Variants in CHRNA4 observed in about 807,000 individuals in gnomAD.
CHRNA4 encodes the protein cholinergic receptor nicotinic alpha 4 subunit, also known as neuronal acetylcholine receptor subunit alpha-4.
In CHRNA4, 28 loss-of-function variants were observed where a neutral mutation model predicts 48.9. That is an observed-to-expected ratio of 0.57 (90% CI 0.42 to 0.79). The LOEUF is 0.79. CHRNA4 is among the 30% of genes least tolerant of loss of function. The pLI is 0.00. For synonymous variants in CHRNA4, 425 were observed against 402.3 expected, an observed-to-expected ratio of 1.06 and a Z score of -0.68; for missense variants, 859 against 898.4, an observed-to-expected ratio of 0.96 and a Z score of 0.56.
intron 4 of CHRNA4, among the ~76,000 whole-genome samples, chr20:63,353,872 G>GGGTCTGTGGTCCT (rs2068664412): frequency 1.1e-5 from 1 of 94,066 alleles, no homozygotes; most frequent in African/African-American, 4.5e-5. Flanking sequence ...TGGTTCTGGG[G>GGGTCTGTGGTCCT]GGACTGTGGT....
In CHRNA4 at chr20:63,351,034, A is replaced by G; in HGVS notation, c.384-7T>C. 1 of 1,611,820 alleles carries G rather than the reference A, an allele frequency of 6.2e-7. No individual in the cohort carries two copies. Among genetic ancestry groups the G allele is most frequent in the African/African-American group, 1.3e-5 (1 of 74,792 alleles). ...CGCGAAGTCCCCGTCAGCACTGGGCAGGAAGAGAGCGAAGGGTGTGAGACC... is the reference window on the plus strand; with the variant it reads ...CGCGAAGTCCCCGTCAGCACTGGGCGGGAAGAGAGCGAAGGGTGTGAGACC... On this transcript the variant is annotated splice_polypyrimidine_tract_variant and splice_region_variant and intron_variant, in intron 4 of 5. Coordinates refer to ENST00000370263, the MANE Select transcript of CHRNA4 (RefSeq NM_000744.7).
Position 63,346,079 on chromosome 20 carries a change from C to T in CHRNA4, c.*659G>A, listed in dbSNP as rs6011770. The T allele has an allele frequency of 0.043, 19,446 of 454,028 alleles. 789 individuals are homozygous for T. The highest frequency in any genetic ancestry group is 0.15 in the African/African-American group (7,334 of 50,112). 28.1% of individuals were successfully genotyped at this position (454,028 alleles called of 1,614,324 possible). A position where few individuals can be genotyped will look rare whatever the true frequency, so the allele number is the denominator to read the frequency against. On this transcript the variant is annotated 3_prime_UTR_variant, in exon 6 of 6. Transcript: ENST00000370263. Reference sequence around the variant, plus strand: ...CCTCCCGATTCTCCCCACGCGGAACCAGCTCCACAAAACTCTGTTCTCCAA... The same window carrying T: ...CCTCCCGATTCTCCCCACGCGGAACTAGCTCCACAAAACTCTGTTCTCCAA...
chr20:63,344,511 G>C lies in CHRNA4; in HGVS notation c.*2227C>G, dbSNP rs1568801929. ...TTGAGCCTCAAAAAAAAAAAGAAAGGGAAAGGGGTCTTCCCCCAGGCAAGC... is the reference window on the plus strand; with the variant it reads ...TTGAGCCTCAAAAAAAAAAAGAAAGCGAAAGGGGTCTTCCCCCAGGCAAGC... On this transcript the variant is annotated 3_prime_UTR_variant, in exon 6 of 6. Transcript: ENST00000370263. The surrounding 1 kb of genome is among the most constrained non-coding windows in gnomAD (Gnocchi z 4.5). 1 of 452,954 alleles carries C rather than the reference G, an allele frequency of 2.2e-6. No individual in the cohort carries two copies. Among genetic ancestry groups the C allele is most frequent in the Non-Finnish European group, 4.4e-6 (1 of 226,522 alleles). The allele number at this position is 452,954 out of a possible 1,614,324, so 28.1% of individuals were successfully genotyped here.
Position 63,346,661 on chromosome 20 carries a change from G to C in CHRNA4, c.*77C>G. ...CCCCACAGAGTCCAGGGAGAAGCCA[G>C]CCCGGCCCCAGGCCGGCCGCATGGA... On this transcript the variant is annotated 3_prime_UTR_variant, in exon 6 of 6. Coordinates refer to ENST00000370263, the MANE Select transcript of CHRNA4 (RefSeq NM_000744.7). The C allele has an allele frequency of 6.5e-7, 1 of 1,541,102 alleles. No individual in the cohort carries two copies. The highest frequency in any genetic ancestry group is 2.4e-5 in the East Asian group (1 of 41,338).
chr20:63,359,738 G>A, intron 1 of CHRNA4, 39 bp from the exon 2 acceptor site: 1 of 1,603,708 alleles, frequency 6.2e-7, no homozygotes, highest in Non-Finnish European at 8.5e-7. Context: ...GGTGCAGGCG[G>A]GACAGGAGCC....
Position 63,356,076 on chromosome 20 carries a change from G to T in CHRNA4, c.282C>A (p.His94Gln), listed in dbSNP as rs754402670. ...CTGGGTCCCAGCGCAGCTTGTAGTC[G>T]TGCCACTCCTGGATGAGGTGGGGCG... Reference protein sequence around the residue: ...TTNVWVKQEWHDYKLRWDPAD... With the variant: ...TTNVWVKQEWQDYKLRWDPAD... Residue 94 changes from histidine (H) to glutamine (Q), a missense_variant, in exon 4 of 6, where the codon CAC becomes CAA. This residue lies in a region of CHRNA4 where 342 missense variants were observed against 365.3 expected (regional missense o/e 0.94). Coordinates refer to ENST00000370263, the MANE Select transcript of CHRNA4 (RefSeq NM_000744.7). 1 of 1,586,998 alleles carries T rather than the reference G, an allele frequency of 6.3e-7. No homozygotes were observed. The highest frequency in any genetic ancestry group is 8.5e-7 in the Non-Finnish European group (1 of 1,169,680).
At chr20:63,358,716 C>T (rs188116132) in intron 2 of CHRNA4, among the ~76,000 whole-genome samples, 48 of 152,288 alleles carry the variant, frequency 3.2e-4, no homozygotes, top group Non-Finnish European at 6.3e-4. Context: ...GGCTATGCAC[C>T]CCCACCCAGC....
At chr20:63,352,069 G>T (rs2068623925) in intron 4 of CHRNA4, among the ~76,000 whole-genome samples, 1 of 152,198 alleles carries the variant, frequency 6.6e-6, no homozygotes, top group Non-Finnish European at 1.5e-5. Context: ...GAGGGCGCTG[G>T]GGCACGACGC....
At chr20:63,359,903 G>GTGTGTGTGTGTCGGGCGTGCGC (rs1601496285) in intron 1 of CHRNA4, 5 of 442,902 alleles carry the variant, frequency 1.1e-5, no homozygotes, top group East Asian at 3.8e-5. Context: ...TGTGCTGTGT[G>GTGTGTGTGTGTCGGGCGTGCGC]TGTGTGTGTG....
intron 2 of CHRNA4, among the ~76,000 whole-genome samples, chr20:63,356,992 C>T (rs376345492): frequency 7.0e-6 from 1 of 143,750 alleles, no homozygotes; most frequent in Non-Finnish European, 1.5e-5. Flanking sequence ...ACGTCCCCAC[C>T]GACCACATCT....
intron 1 of CHRNA4, chr20:63,360,128 G>A (rs2068793219): frequency 4.0e-6 from 1 of 248,216 alleles, no homozygotes; most frequent in African/African-American, 2.2e-5. Context: ...TCCAGGGAAG[G>A]GCTGTGTCTC....
At position 63,350,140 on chromosome 20, in the gene CHRNA4, G is replaced by T; in HGVS notation, c.1271C>A (p.Ser424Ter). 1 of 1,570,860 alleles carries T rather than the reference G, an allele frequency of 6.4e-7. No individual in the cohort carries two copies. The highest frequency in any genetic ancestry group is 8.7e-7 in the Non-Finnish European group (1 of 1,155,824). The change falls in exon 5 of 6, where the codon TCA (serine) becomes TAA (stop). Residue 424 changes from serine (S) to a stop codon, truncating the protein, a stop_gained. Transcript: ENST00000370263. LOFTEE classifies it high-confidence loss of function. The stretch of plus-strand genomic sequence containing the variant: ...CTGAGGAGGGAGCTGGTCGGAGGGT[G>T]ACTTGCAGGAAGGCCCAGGCTCAGC... Reference protein sequence around the residue: ...VPAEPGPSCKSPSDQLPPQQP... With the variant: ...VPAEPGPSCK
rs768015799 is a variant in CHRNA4 at position 63,359,694 on chromosome 20, T to C, written c.82A>G (p.Ser28Gly). 1.2e-6 allele frequency: 2 copies of C among 1,610,830 alleles called. No individual in the cohort carries two copies. The highest frequency in any genetic ancestry group is 2.2e-5 in the South Asian group (2 of 91,012). Reference protein sequence around the residue: ...LLGTGLLRASSHVETRAHAEE... With the variant: ...LLGTGLLRASGHVETRAHAEE... ...GCGTGGGCCCGGGTCTCCACATGGCTGCTGGCTGCGGGGAGAGGCAGGCCA... is the reference window on the plus strand; with the variant it reads ...GCGTGGGCCCGGGTCTCCACATGGCCGCTGGCTGCGGGGAGAGGCAGGCCA... Residue 28 changes from serine to glycine, a missense_variant, in exon 2 of 6, where the codon AGC (serine) becomes GGC (glycine). Coordinates refer to ENST00000370263, the MANE Select transcript of CHRNA4 (RefSeq NM_000744.7).
chr20:63,356,639 A>G, intron 2 of CHRNA4: 1 of 606,726 alleles, frequency 1.6e-6, no homozygotes. Context: ...AAACATCTCC[A>G]GCAGGAAACT....
At chr20:63,356,169 G>A (rs1319319030) in intron 3 of CHRNA4, 85 bp from the exon 4 acceptor site, 1 of 681,030 alleles carries the variant, frequency 1.5e-6, no homozygotes, top group Non-Finnish European at 2.2e-6. Context: ...TGGGGCAGGG[G>A]CAGGGCCAGG....
intron 5 of CHRNA4, among the ~76,000 whole-genome samples, chr20:63,349,238 G>A (rs899134189): frequency 1.3e-5 from 2 of 152,198 alleles, no homozygotes; most frequent in African/African-American, 4.8e-5. Flanking sequence ...GAGGCCCGCG[G>A]GGCAGGCACA....
chr20:63,360,104 C>T, intron 1 of CHRNA4: 1 of 271,072 alleles, frequency 3.7e-6, no homozygotes, highest in African/African-American at 2.2e-5. Flanking sequence ...TTTGGGTCTC[C>T]TGTCACACTG....
At chr20:63,349,103 C>T (rs1294967396) in intron 5 of CHRNA4, among the ~76,000 whole-genome samples, 1 of 152,126 alleles carries the variant, frequency 6.6e-6, no homozygotes, top group Non-Finnish European at 1.5e-5. Context: ...CCAGCTTGGC[C>T]GTGTGGGGCT....
At chr20:63,351,882 A>G (rs2145391278) in intron 4 of CHRNA4, among the ~76,000 whole-genome samples, 1 of 152,320 alleles carries the variant, frequency 6.6e-6, no homozygotes, top group East Asian at 1.9e-4. Flanking sequence ...GGTTCCATAG[A>G]CAGCGGCTGG....
Sources: allele counts gnomAD v4.1 joint callset (sites outside exome capture counted in the v4.1 genomes callset), GRCh38; gene constraint gnomAD v4.1.1; regional missense constraint gnomAD v4.1.1; non-coding constraint Gnocchi (gnomAD v3.1); transcripts MANE v1.5; gene names NCBI Gene and HGNC (gene_info 2026-07-23, HGNC 2026-07-21).